CDH12: variants seen among roughly 807,000 people sequenced by gnomAD.
CDH12 encodes cadherin 12, also known as cadherin-12.
CDH12 carries 41 observed loss-of-function variants against 74.1 expected under a neutral mutation model. That is an observed-to-expected ratio of 0.55 (90% CI 0.43 to 0.72). The LOEUF (loss-of-function observed/expected upper bound fraction) is 0.72. CDH12 is among the 30% of genes least tolerant of loss of function. The pLI, the probability that CDH12 is intolerant of heterozygous loss-of-function variation, is 0.00. For missense variants in CDH12, 945 were observed against 977.2 expected (o/e 0.97, Z 0.44); for synonymous variants, 399 against 355.0 (o/e 1.12, Z -1.39).
intron 1 of CDH12, among the ~76,000 whole-genome samples, chr5:22,596,759 T>A (rs770885379): frequency 3.3e-5 from 5 of 152,204 alleles, no homozygotes; most frequent in Non-Finnish European, 7.3e-5. Flanking sequence ...CAATAACTAC[T>A]CTCATCTTAC....
At chr5:22,254,456 A>T (rs1187616003) in intron 3 of CDH12, among the ~76,000 whole-genome samples, 2 of 151,744 alleles carry the variant, frequency 1.3e-5, no homozygotes. Context: ...AACATCAACA[A>T]TTCCACTAGA....
At chr5:22,748,207 A>G (rs1745388646) in intron 1 of CDH12, among the ~76,000 whole-genome samples, 1 of 152,238 alleles carries the variant, frequency 6.6e-6, no homozygotes, top group African/African-American at 2.4e-5. Flanking sequence ...TATTTTCTGT[A>G]TACAACTGAA....
intron 1 of CDH12, among the ~76,000 whole-genome samples, chr5:22,669,096 T>A (rs1740774211): frequency 6.6e-6 from 1 of 150,952 alleles, no homozygotes; most frequent in African/African-American, 2.4e-5. Flanking sequence ...TAAAATTACA[T>A]TTTTTTTTCC....
At chr5:21,782,884 C>T in intron 11 of CDH12, among the ~76,000 whole-genome samples, 1 of 152,114 alleles carries the variant, frequency 6.6e-6, no homozygotes. Flanking sequence ...CCTGTATATT[C>T]CATAGTGATA....
intron 3 of CDH12, among the ~76,000 whole-genome samples, chr5:22,282,814 T>A (rs1181714318): frequency 1.3e-5 from 2 of 152,118 alleles, no homozygotes; most frequent in African/African-American, 4.8e-5. Flanking sequence ...GTTCAACTGT[T>A]GTGGAAGACA....
chr5:22,097,818 A>G (rs1743879678), intron 4 of CDH12, among the ~76,000 whole-genome samples: 1 of 152,078 alleles, frequency 6.6e-6, no homozygotes. Flanking sequence ...TACCCTGCTC[A>G]ATGCCAACAT....
intron 2 of CDH12, among the ~76,000 whole-genome samples, chr5:22,434,104 G>C (rs1373325795): frequency 6.6e-6 from 1 of 152,136 alleles, no homozygotes; most frequent in Non-Finnish European, 1.5e-5. Flanking sequence ...AAGAAAGAGT[G>C]AGATGTGTCA....
intron 1 of CDH12, among the ~76,000 whole-genome samples, chr5:22,549,997 C>T (rs1167943689): frequency 2.6e-5 from 4 of 152,188 alleles, no homozygotes; most frequent in Non-Finnish European, 5.9e-5. Flanking sequence ...TTGCCCACAA[C>T]TTCCTCTTAC....
chr5:22,259,610 A>G (rs1753441678), intron 3 of CDH12, among the ~76,000 whole-genome samples: 1 of 152,104 alleles, frequency 6.6e-6, no homozygotes, highest in Non-Finnish European at 1.5e-5. Context: ...TCATGGGCTG[A>G]AACTGAGAAT....
At chr5:21,867,522 G>A (rs1415777017) in intron 6 of CDH12, among the ~76,000 whole-genome samples, 1 of 152,208 alleles carries the variant, frequency 6.6e-6, no homozygotes. Context: ...ACCTGGATGT[G>A]AGACATGTAG....
chr5:22,741,757 T>C (rs1233568625), intron 1 of CDH12, among the ~76,000 whole-genome samples: 1 of 152,182 alleles, frequency 6.6e-6, no homozygotes, highest in African/African-American at 2.4e-5. Flanking sequence ...GATCAGAAAC[T>C]CAGTGATACA....
intron 1 of CDH12, among the ~76,000 whole-genome samples, chr5:22,606,098 C>T (rs901069547): frequency 6.6e-6 from 1 of 152,154 alleles, no homozygotes; most frequent in Non-Finnish European, 1.5e-5. Flanking sequence ...AGGAAGGAAC[C>T]CCACCACTGG....
At chr5:22,668,497 G>C (rs1186036931) in intron 1 of CDH12, among the ~76,000 whole-genome samples, 1 of 152,184 alleles carries the variant, frequency 6.6e-6, no homozygotes, top group Non-Finnish European at 1.5e-5. Context: ...GTCCAAGGTT[G>C]AGGATCTGCA....
intron 6 of CDH12, among the ~76,000 whole-genome samples, chr5:21,876,075 T>C (rs1400342719): frequency 1.3e-5 from 2 of 152,098 alleles, no homozygotes; most frequent in Admixed American, 1.3e-4. Flanking sequence ...TTTGTATTTT[T>C]AGTAGAGACA....
chr5:22,410,749 A>T (rs764829401), intron 2 of CDH12, among the ~76,000 whole-genome samples: 1 of 152,108 alleles, frequency 6.6e-6, no homozygotes, highest in Non-Finnish European at 1.5e-5. Flanking sequence ...AATGCTAGAC[A>T]TGAAGAAGAT....
intron 1 of CDH12, among the ~76,000 whole-genome samples, chr5:22,833,340 G>A (rs1218061610): frequency 3.3e-5 from 5 of 152,088 alleles, no homozygotes; most frequent in African/African-American, 1.2e-4. Context: ...ACACAGTGCT[G>A]GCCACATAGT....
Position 22,685,902 on chromosome 5 carries a change from A to G in CDH12, c.-523+167156T>C, listed in dbSNP as rs200967023. ...GGACATATGTTTTTATTTTTCATAT[A>G]TATGCTTAGGAGTAGAATTGCTGGG... On this transcript the variant is annotated intron_variant, in intron 1 of 14. Coordinates refer to ENST00000382254, the MANE Select transcript of CDH12 (RefSeq NM_004061.5). Among the ~76,000 whole-genome samples the G allele has an allele frequency of 1.4e-4, 22 of 152,258 alleles. No individual in the cohort carries two copies. The East Asian group carries it at 3.7e-3, about 25-fold the overall frequency.
chr5:22,697,440 C>T (rs1419386924), intron 1 of CDH12, among the ~76,000 whole-genome samples: 4 of 151,740 alleles, frequency 2.6e-5, no homozygotes, highest in Admixed American at 1.3e-4. Flanking sequence ...GGCGTGGTGG[C>T]GGGCCCCTGT....
intron 3 of CDH12, among the ~76,000 whole-genome samples, chr5:22,230,892 G>C (rs1371750471): frequency 6.6e-6 from 1 of 152,076 alleles, no homozygotes; most frequent in Non-Finnish European, 1.5e-5. Flanking sequence ...ATGTTTATCA[G>C]GCCTACGAAT....
Sources: allele counts gnomAD v4.1 joint callset (sites outside exome capture counted in the v4.1 genomes callset), GRCh38; gene constraint gnomAD v4.1.1; transcripts MANE v1.5; gene names NCBI Gene and HGNC (gene_info 2026-07-23, HGNC 2026-07-21).